NANOS3: variants seen among roughly 807,000 people sequenced by gnomAD.
NANOS3 encodes the protein nanos C2HC-type zinc finger 3.
A neutral mutation model predicts 13.8 loss-of-function variants in NANOS3; 11 were observed. The ratio of observed to expected loss-of-function variants is 0.80; its 90% CI spans 0.50 to 1.32. The LOEUF is 1.32. NANOS3 is among the 40% of genes most tolerant of loss of function. The pLI is 0.00. For synonymous variants in NANOS3, 119 were observed against 115.4 expected, an observed-to-expected ratio of 1.03 and a Z score of -0.20; for missense variants, 221 against 263.8, an observed-to-expected ratio of 0.84 and a Z score of 1.12.
In NANOS3 at chr19:13,877,614, C is replaced by T; in HGVS notation, c.366C>T (p.Ala122=). Residue 122 remains alanine (A), a synonymous_variant, in exon 1 of 2, where the codon GCC becomes GCT. Transcript: ENST00000339133. ...AGTGCGGCGCCACACGTGAGCGCGC[C>T]CACACCCGACGCTTCTGCCCACTTA... ...CPQCGATRER[A]HTRRFCPLTG... 1 of 1,612,122 alleles carries T rather than the reference C, an allele frequency of 6.2e-7. No homozygotes were observed. Among genetic ancestry groups the T allele is most frequent in the Non-Finnish European group, 8.5e-7 (1 of 1,179,998 alleles).
chr19:13,872,730 A>C (rs1357161464), upstream of NANOS3, among the ~76,000 whole-genome samples: 1 of 152,168 alleles, frequency 6.6e-6, no homozygotes, highest in Non-Finnish European at 1.5e-5. Flanking sequence ...GCGGATAAAG[A>C]GAAGCCGATC....
chr19:13,862,467 C>G (rs1477940304), upstream of NANOS3, among the ~76,000 whole-genome samples: 1 of 152,086 alleles, frequency 6.6e-6, no homozygotes, highest in Non-Finnish European at 1.5e-5. Context: ...AGCAGGACAG[C>G]TGGCCGGTCC....
intron 1 of NANOS3, among the ~76,000 whole-genome samples, chr19:13,870,912 A>C (rs1976318132): frequency 6.6e-6 from 1 of 150,586 alleles, no homozygotes; most frequent in Non-Finnish European, 1.5e-5. Context: ...CGTCCCCCAC[A>C]CCCCACTTAT....
At position 13,877,510 on chromosome 19, in the gene NANOS3, G is replaced by A; in HGVS notation, c.262G>A (p.Ala88Thr). ...SFCKHNGESR[A>T]IYQSHVLKDE... ...CTGCAAACACAACGGCGAGTCCCGG[G>A]CCATCTACCAGTCCCACGTGCTGAA... The change falls in exon 1 of 2, where the codon GCC (alanine) becomes ACC (threonine). Residue 88 changes from alanine to threonine, a missense_variant. Ala to Thr is a moderately conservative substitution (Grantham distance 58). This residue lies in a region of NANOS3 where 112 missense variants were observed against 116.3 expected (regional missense o/e 0.96). Transcript: ENST00000339133. The A allele has an allele frequency of 6.2e-7, 1 of 1,611,742 alleles. No homozygotes were observed. The highest frequency in any genetic ancestry group is 1.7e-5 in the Admixed American group (1 of 60,028).
chr19:13,872,344 C>CAAAAA, upstream of NANOS3, among the ~76,000 whole-genome samples: 1 of 121,730 alleles, frequency 8.2e-6, no homozygotes, highest in Non-Finnish European at 1.7e-5. Flanking sequence ...GACTCCATCT[C>CAAAAA]AAAAAAAAAA....
At chr19:13,874,062 C>T (rs1284333958), upstream of NANOS3, among the ~76,000 whole-genome samples, 1 of 152,148 alleles carries the variant, frequency 6.6e-6, no homozygotes, top group African/African-American at 2.4e-5. Context: ...CGGAAGTGCC[C>T]GAGTTCAGAT....
chr19:13,864,118 C>T (rs1331397047), upstream of NANOS3, among the ~76,000 whole-genome samples: 2 of 151,936 alleles, frequency 1.3e-5, no homozygotes, highest in African/African-American at 2.4e-5. Context: ...CTCTACCAGC[C>T]GCGGTGGCCA....
chr19:13,875,330 G>A (rs1968488798), upstream of NANOS3, among the ~76,000 whole-genome samples: 1 of 151,934 alleles, frequency 6.6e-6, no homozygotes, highest in Non-Finnish European at 1.5e-5. Flanking sequence ...GGGATTACAG[G>A]CATCTGCCAC....
chr19:13,866,466 C>T (rs1187015651), intron 1 of NANOS3, among the ~76,000 whole-genome samples: 2 of 152,176 alleles, frequency 1.3e-5, no homozygotes, highest in Non-Finnish European at 1.5e-5. Context: ...ACACGCTATA[C>T]ACAGACATAC....
At chr19:13,869,215 C>T (rs1020711952) in intron 1 of NANOS3, among the ~76,000 whole-genome samples, 32 of 152,110 alleles carry the variant, frequency 2.1e-4, no homozygotes, top group African/African-American at 7.5e-4. Context: ...GGTCTCACTG[C>T]GTTGCCCAGG....
At chr19:13,866,900 C>G (rs979949436) in intron 1 of NANOS3, among the ~76,000 whole-genome samples, 1 of 152,160 alleles carries the variant, frequency 6.6e-6, no homozygotes, top group Non-Finnish European at 1.5e-5. Flanking sequence ...CACACACACA[C>G]AGACGGTACA....
In NANOS3 at chr19:13,871,443, T is replaced by C. The variant is rs944574587; in HGVS notation, n.21+6006T>C. Among the ~76,000 whole-genome samples the C allele has an allele frequency of 5.3e-5, 8 of 152,158 alleles. No homozygotes were observed. In the South Asian group the frequency reaches 8.3e-4, roughly 16 times the overall value. On this transcript the variant is annotated intron_variant and non_coding_transcript_variant, in intron 1 of 2. Transcript: ENST00000591161. ...AGAAGAGAGATAGTCAGACCCAGGA[T>C]TGGGGCTGCCGGCCTCCTGTCGCCC...
Position 13,880,676 on chromosome 19 carries a change from C to A in NANOS3, c.*173C>A, listed in dbSNP as rs1968620854. The A allele has an allele frequency of 1.6e-6, 1 of 608,498 alleles. No homozygotes were observed. The highest frequency in any genetic ancestry group is 2.9e-6 in the Non-Finnish European group (1 of 342,658). The allele number at this position is 608,498 out of a possible 1,614,324, so 37.7% of individuals were successfully genotyped here. The stretch of plus-strand genomic sequence containing the variant: ...GAAATCGCCCTGTCCTTGGGGACCC[C>A]ACCCTTTGTGCCATCTGCCGTTTCC... On this transcript the variant is annotated 3_prime_UTR_variant, in exon 2 of 2. Coordinates refer to ENST00000339133, the MANE Select transcript of NANOS3 (RefSeq NM_001098622.3).
At chr19:13,877,861 AG>A (rs1968551627) in intron 1 of NANOS3, 96 bp downstream of exon 1, 1 of 1,454,434 alleles carries the variant, frequency 6.9e-7, no homozygotes. Context: ...TCCAAGGGTT[AG>A]GGGAAGACCT....
chr19:13,872,196 T>G (rs965811220), upstream of NANOS3, among the ~76,000 whole-genome samples: 11 of 151,818 alleles, frequency 7.2e-5, no homozygotes, highest in Non-Finnish European at 2.9e-5. Context: ...AATACAAAAA[T>G]TAGCTGGCCA....
intron 1 of NANOS3, chr19:13,865,446 G>T (rs1257454800): frequency 2.0e-5 from 3 of 146,542 alleles, no homozygotes; most frequent in South Asian, 2.0e-4. Context: ...AGGTGAGCGC[G>T]GGCGCCGGGC....
chr19:13,869,592 C>T (rs1484965798), intron 1 of NANOS3, among the ~76,000 whole-genome samples: 2 of 151,910 alleles, frequency 1.3e-5, no homozygotes, highest in South Asian at 2.1e-4. Flanking sequence ...ATCACTGAAA[C>T]GAGACACCCC....
intron 1 of NANOS3, among the ~76,000 whole-genome samples, chr19:13,871,734 G>A (rs78349312): frequency 2.0e-5 from 3 of 152,216 alleles, no homozygotes; most frequent in East Asian, 3.8e-4. Context: ...CCTGTGGGAC[G>A]AGGTGGCTCA....
upstream of NANOS3, among the ~76,000 whole-genome samples, chr19:13,865,213 A>T (rs1410711021): frequency 1.4e-5 from 2 of 145,066 alleles, no homozygotes; most frequent in Admixed American, 1.4e-4. Flanking sequence ...GAGCGCGGGC[A>T]CGTCACCGAG....
Sources: allele counts gnomAD v4.1 joint callset (sites outside exome capture counted in the v4.1 genomes callset), GRCh38; gene constraint gnomAD v4.1.1; regional missense constraint gnomAD v4.1.1; transcripts MANE v1.5; gene names NCBI Gene and HGNC (gene_info 2026-07-23, HGNC 2026-07-21).